Variants in SYNE2 observed in about 807,000 individuals in gnomAD.
The protein encoded by SYNE2 is spectrin repeat containing nuclear envelope protein 2.
Under a neutral mutation model 856.3 loss-of-function variants are expected in SYNE2, and 431 were observed. The observed-to-expected ratio is 0.50, with a 90% CI of 0.47 to 0.55. The LOEUF is 0.55. Among genes scored for constraint, SYNE2 ranks in the 20% least tolerant of loss-of-function variants. The pLI is 0.00. For synonymous variants in SYNE2, 2,923 were observed against 2,872.3 expected (o/e 1.02, Z -0.56); for missense variants, 8,129 against 8,023.2 (o/e 1.01, Z -0.50).
rs1263828875 is a variant in SYNE2, at chr14:64,175,036, TAA to T, written c.17330_17331del (p.Lys5777ArgfsTer5). 1 of 1,614,154 alleles carries T rather than the reference TAA, an allele frequency of 6.2e-7. No homozygotes were observed. The highest frequency in any genetic ancestry group is 8.5e-7 in the Non-Finnish European group (1 of 1,180,020). Reference sequence around the variant, plus strand: ...TACTGCTCACAACTGACCTGAAAACTAAAGAGTCTGTGGGTAGGAGAATCAGT... The same window carrying T: ...TACTGCTCACAACTGACCTGAAAACTAGAGTCTGTGGGTAGGAGAATCAGT... ...KLLLTTDLKT[K>X]ESVGRRISQL... On this transcript the variant is annotated frameshift_variant, in exon 95 of 116. Transcript: ENST00000555002. LOFTEE classifies it high-confidence loss of function.
chr14:64,210,793 T>C (rs567727586), intron 103 of SYNE2, among the ~76,000 whole-genome samples: 2 of 152,348 alleles, frequency 1.3e-5, no homozygotes, highest in South Asian at 4.1e-4. Context: ...TTGAACCCAT[T>C]CTAGAAAGAT....
intron 64 of SYNE2, among the ~76,000 whole-genome samples, chr14:64,106,141 C>CT (rs1491100402): frequency 2.0e-5 from 3 of 148,454 alleles, no homozygotes; most frequent in Non-Finnish European, 4.5e-5. Context: ...GACCCCCCCC[C>CT]CCAACCAACA....
chr14:63,844,843 A>G (rs1160949214), intron 1 of SYNE2, among the ~76,000 whole-genome samples: 1 of 152,180 alleles, frequency 6.6e-6, no homozygotes, highest in African/African-American at 2.4e-5. Context: ...CTGGGAGTTC[A>G]GGACCACCCT....
At chr14:64,107,676 C>T (rs1026917334) in intron 65 of SYNE2, 69 bp downstream of exon 65, 2 of 1,208,264 alleles carry the variant, frequency 1.7e-6, no homozygotes, top group Non-Finnish European at 2.5e-6. Context: ...GACCAGTGTT[C>T]TGTGTCCTGC....
intron 1 of SYNE2, among the ~76,000 whole-genome samples, chr14:63,773,203 TA>T (rs1003297987): frequency 6.6e-6 from 1 of 152,160 alleles, no homozygotes; most frequent in Non-Finnish European, 1.5e-5. Context: ...TTTTATTGCT[TA>T]AAAAAATTTT....
chr14:64,038,326 C>T (rs1361337237), intron 45 of SYNE2, among the ~76,000 whole-genome samples: 1 of 152,218 alleles, frequency 6.6e-6, no homozygotes, highest in African/African-American at 2.4e-5. Context: ...GATGAGATGG[C>T]GGCCGGGCAG....
At chr14:63,818,024 CAA>C (rs34186501) in intron 1 of SYNE2, among the ~76,000 whole-genome samples, 3 of 64,774 alleles carry the variant, frequency 4.6e-5, no homozygotes, top group African/African-American at 6.5e-5. Context: ...GACCCTTTCT[CAA>C]AAAAAAAAAA....
Position 64,225,928 on chromosome 14 carries a change from A to G in SYNE2, c.*402A>G. ...GCAAGCGAGGACATTCCACCCTAGA[A>G]ATGGTTCAGAAACTCATAGGCACCC... On this transcript the variant is annotated 3_prime_UTR_variant, in exon 116 of 116. Coordinates refer to ENST00000555002, the MANE Select transcript of SYNE2 (RefSeq NM_182914.3). 1 of 393,938 alleles carries G rather than the reference A, an allele frequency of 2.5e-6. No homozygotes were observed. The highest frequency in any genetic ancestry group is 4.6e-6 in the Non-Finnish European group (1 of 216,642). 24.4% of individuals were successfully genotyped at this position (393,938 alleles called of 1,614,324 possible).
chr14:64,010,505 C>T (rs2153517425), intron 32 of SYNE2, among the ~76,000 whole-genome samples: 1 of 152,274 alleles, frequency 6.6e-6, no homozygotes, highest in East Asian at 1.9e-4. Flanking sequence ...GAAAAATTAG[C>T]TTTTATTTAC....
At chr14:64,132,546 T>C in intron 77 of SYNE2, 108 bp downstream of exon 77, 2 of 1,426,770 alleles carry the variant, frequency 1.4e-6, no homozygotes, top group Non-Finnish European at 2.0e-6. Flanking sequence ...TATAGTTAAA[T>C]GGAAGCCTGA....
chr14:63,904,772 T>G (rs774666201), intron 1 of SYNE2, among the ~76,000 whole-genome samples: 5 of 152,158 alleles, frequency 3.3e-5, no homozygotes, highest in Non-Finnish European at 5.9e-5. Context: ...TTGTTTACTT[T>G]GTTGATAGTT....
chr14:64,081,648 T>C, intron 57 of SYNE2, 68 bp downstream of exon 57: 3 of 1,565,044 alleles, frequency 1.9e-6, no homozygotes, highest in South Asian at 2.2e-5. Flanking sequence ...TAGCTGATTG[T>C]CTTGGTGCTT....
chr14:64,038,686 T>A (rs2097123679), intron 45 of SYNE2, among the ~76,000 whole-genome samples: 1 of 152,104 alleles, frequency 6.6e-6, no homozygotes. Context: ...ATCAAAAAAA[T>A]ACGAAAACCA....
intron 11 of SYNE2, among the ~76,000 whole-genome samples, chr14:63,973,699 T>C (rs2096501396): frequency 6.7e-6 from 1 of 149,644 alleles, no homozygotes; most frequent in African/African-American, 2.5e-5. Flanking sequence ...AAAATTAAAC[T>C]TGCAAGATAA....
At chr14:63,921,844 T>G (rs1363777225) in intron 2 of SYNE2, among the ~76,000 whole-genome samples, 2 of 152,024 alleles carry the variant, frequency 1.3e-5, no homozygotes, top group South Asian at 2.1e-4. Context: ...AGGTGAGAGA[T>G]AGGGTAGTAG....
chr14:63,931,440 C>T (rs1566831325), intron 2 of SYNE2, among the ~76,000 whole-genome samples: 1 of 151,658 alleles, frequency 6.6e-6, no homozygotes, highest in Non-Finnish European at 1.5e-5. Flanking sequence ...ATCCCAGCTA[C>T]TCAGGAGGCT....
intron 1 of SYNE2, among the ~76,000 whole-genome samples, chr14:63,809,768 T>A (rs559544585): frequency 6.6e-6 from 1 of 152,318 alleles, no homozygotes; most frequent in East Asian, 1.9e-4. Flanking sequence ...CTCAAAGTGC[T>A]GGGATTACAG....
chr14:63,819,406 A>G (rs1889128139), intron 1 of SYNE2, among the ~76,000 whole-genome samples: 1 of 148,868 alleles, frequency 6.7e-6, no homozygotes, highest in South Asian at 2.1e-4. Context: ...TAATTTTTGT[A>G]TTTTTAGTAG....
At chr14:64,158,881 G>A in intron 86 of SYNE2, 86 bp downstream of exon 86, 1 of 1,407,514 alleles carries the variant, frequency 7.1e-7, no homozygotes, top group Non-Finnish European at 1.0e-6. Flanking sequence ...AACTGTGTTT[G>A]TGCCCTCCCA....
Sources: gnomAD v4.1 joint callset for allele counts (sites outside exome capture counted in the v4.1 genomes callset) on GRCh38, gnomAD v4.1.1 for gene constraint, MANE v1.5 for transcripts, NCBI Gene and HGNC (gene_info 2026-07-23, HGNC 2026-07-21) for gene names.